The following NRG1 variants were observed in gnomAD, a reference collection of about 807,000 sequenced individuals.
NRG1 encodes pro-neuregulin-1, membrane-bound isoform.
Under a neutral mutation model 63.8 loss-of-function variants are expected in NRG1, and 18 were observed. The ratio of observed to expected loss-of-function variants is 0.28; its 90% CI spans 0.19 to 0.42. NRG1 has a LOEUF of 0.42. Ranked by LOEUF, NRG1 falls within the 10% of genes least tolerant of loss-of-function variation. NRG1 has a pLI of 1.00. For synonymous variants in NRG1, 302 were observed against 301.3 expected (o/e 1.00, Z -0.02); for missense variants, 762 against 814.7 (o/e 0.94, Z 0.79).
At chr8:32,527,115 T>C (rs1400944090) in intron 1 of NRG1, among the ~76,000 whole-genome samples, 1 of 152,176 alleles carries the variant, frequency 6.6e-6, no homozygotes, top group Non-Finnish European at 1.5e-5. Flanking sequence ...GAACTACCAT[T>C]CGATCCAGCA....
chr8:32,616,089 A>G (rs1018762175), intron 4 of NRG1, among the ~76,000 whole-genome samples: 2 of 152,032 alleles, frequency 1.3e-5, no homozygotes, highest in African/African-American at 4.8e-5. Context: ...TTGACTTTCA[A>G]TCCTTCTTTG....
At chr8:32,096,826 A>G (rs367728241) in intron 1 of NRG1, among the ~76,000 whole-genome samples, 1 of 152,210 alleles carries the variant, frequency 6.6e-6, no homozygotes. Context: ...AACACCTTCC[A>G]TTAAGCCCCA....
intron 1 of NRG1, among the ~76,000 whole-genome samples, chr8:32,569,781 CA>C (rs1838157465): frequency 6.6e-6 from 1 of 151,884 alleles, no homozygotes; most frequent in Non-Finnish European, 1.5e-5. Flanking sequence ...CAATCATACA[CA>C]AGTAAAACAT....
chr8:31,733,650 G>C (rs960491818), intron 1 of NRG1, among the ~76,000 whole-genome samples: 6 of 152,142 alleles, frequency 3.9e-5, no homozygotes. Flanking sequence ...TACACCTGTG[G>C]AAGGGTTACC....
intron 1 of NRG1, among the ~76,000 whole-genome samples, chr8:32,239,616 A>G (rs1324236137): frequency 6.6e-6 from 1 of 152,196 alleles, no homozygotes; most frequent in African/African-American, 2.4e-5. Flanking sequence ...AAAGAATTAA[A>G]AGAAACACTA....
intron 1 of NRG1, among the ~76,000 whole-genome samples, chr8:32,494,714 A>C (rs1195914808): frequency 1.3e-5 from 2 of 152,246 alleles, no homozygotes; most frequent in African/African-American, 2.4e-5. Context: ...AATGAAAATG[A>C]GAGCTTAGAA....
rs1283327478 is a variant in NRG1 at position 31,640,301 on chromosome 8, G to T, written c.37+870G>T. On this transcript the variant is annotated intron_variant, in intron 1 of 10. Transcript: ENST00000519301. The surrounding 1 kb of genome is among the most constrained non-coding windows in gnomAD (Gnocchi z 6.3). Reference sequence around the variant, plus strand: ...GACAGGAAGGCGGCGGCGGCGGCGGGCGAGGCAGGGGCGTGGGGCGGCGAT... The same window carrying T: ...GACAGGAAGGCGGCGGCGGCGGCGGTCGAGGCAGGGGCGTGGGGCGGCGAT... 1 of 1,137,896 alleles carries T rather than the reference G, an allele frequency of 8.8e-7. No homozygotes were observed. Among genetic ancestry groups the T allele is most frequent in the Non-Finnish European group, 1.1e-6 (1 of 928,354 alleles). 70.5% of individuals were successfully genotyped at this position (1,137,896 alleles called of 1,614,324 possible). A position where few individuals can be genotyped will look rare whatever the true frequency, so the allele number is the denominator to read the frequency against.
At position 32,756,383 on chromosome 8, in the gene NRG1, G is replaced by T; in HGVS notation, c.795-20G>T. The T allele has an allele frequency of 6.3e-7, 1 of 1,595,656 alleles. No individual in the cohort carries two copies. Among genetic ancestry groups the T allele is most frequent in the Non-Finnish European group, 8.5e-7 (1 of 1,174,154 alleles). On this transcript the variant is annotated intron_variant, in intron 8 of 11. Coordinates refer to ENST00000356819, the Ensembl canonical transcript of NRG1. ...TGAAAATAATCAAAAAAAAATAAAT[G>T]CTCCCTTTCTTATGTCCAGGAAACA...
chr8:32,434,800 G>GA lies in NRG1; in HGVS notation c.38-161018dup, dbSNP rs540695265. On this transcript the variant is annotated intron_variant, in intron 1 of 10. Coordinates refer to the NRG1 transcript ENST00000519301. ...AACCAGTTGAAGAGAGAAAATATTT[G>GA]AAAAAAAAAATTTAAAATAATACAA... Among the ~76,000 whole-genome samples, 11 of 148,840 alleles carry GA rather than the reference G, an allele frequency of 7.4e-5. No homozygotes were observed. In the East Asian group the frequency reaches 7.8e-4, roughly 11 times the overall value.
intron 1 of NRG1, among the ~76,000 whole-genome samples, chr8:32,120,797 A>G (rs969476376): frequency 2.6e-5 from 4 of 152,002 alleles, no homozygotes. Context: ...TGTCCATCTC[A>G]CAACAAAACA....
At chr8:31,654,389 G>A (rs568469177) in intron 1 of NRG1, among the ~76,000 whole-genome samples, 4 of 152,180 alleles carry the variant, frequency 2.6e-5, no homozygotes, top group African/African-American at 9.7e-5. Context: ...TCTGTATCAT[G>A]TATGTTATTG....
At chr8:32,352,914 T>TAG (rs796414298) in intron 1 of NRG1, among the ~76,000 whole-genome samples, 13 of 89,460 alleles carry the variant, frequency 1.5e-4, no homozygotes, top group Admixed American at 4.2e-4. Context: ...TATATATATA[T>TAG]AGAGAGAGAG....
At chr8:32,544,427 T>A (rs1832860825), upstream of NRG1, among the ~76,000 whole-genome samples, 1 of 151,952 alleles carries the variant, frequency 6.6e-6, no homozygotes, top group South Asian at 2.1e-4. Flanking sequence ...TTTAGGTTCA[T>A]GAGATCAGAG....
chr8:31,708,061 G>A (rs180675875), intron 1 of NRG1, among the ~76,000 whole-genome samples: 1 of 152,122 alleles, frequency 6.6e-6, no homozygotes, highest in Non-Finnish European at 1.5e-5. Flanking sequence ...ATTTTATTAC[G>A]TTAATGAAGT....
intron 6 of NRG1, among the ~76,000 whole-genome samples, chr8:32,730,702 C>A (rs1482421982): frequency 6.6e-6 from 1 of 152,050 alleles, no homozygotes; most frequent in East Asian, 1.9e-4. Flanking sequence ...TTTATCATAG[C>A]AAATTGGGAT....
intron 1 of NRG1, among the ~76,000 whole-genome samples, chr8:32,387,927 G>A (rs1202275032): frequency 1.3e-5 from 2 of 152,142 alleles, no homozygotes; most frequent in African/African-American, 4.8e-5. Context: ...GATATCAATT[G>A]AGCTGGGATT....
At chr8:31,693,181 A>G (rs754823365) in intron 1 of NRG1, among the ~76,000 whole-genome samples, 19 of 152,138 alleles carry the variant, frequency 1.2e-4, no homozygotes, top group Non-Finnish European at 2.4e-4. Flanking sequence ...TCTTACTGCA[A>G]AGGGATTCCA....
chr8:32,611,073 T>C (rs767164966), intron 3 of NRG1, among the ~76,000 whole-genome samples: 1 of 152,118 alleles, frequency 6.6e-6, no homozygotes, highest in Non-Finnish European at 1.5e-5. Context: ...TAGACTTTAC[T>C]GGTTTCCAAA....
intron 1 of NRG1, among the ~76,000 whole-genome samples, chr8:31,844,510 A>G (rs145329684): frequency 3.3e-5 from 5 of 152,318 alleles, no homozygotes; most frequent in Admixed American, 6.5e-5. Flanking sequence ...GAAAAGATGT[A>G]CCTCAAAAGG....
Sources: allele counts gnomAD v4.1 joint callset (sites outside exome capture counted in the v4.1 genomes callset), GRCh38; gene constraint gnomAD v4.1.1; non-coding constraint Gnocchi (gnomAD v3.1); transcripts MANE v1.5; gene names NCBI Gene and HGNC (gene_info 2026-07-23, HGNC 2026-07-21).